The following ABTB3 variants were observed in gnomAD, a reference collection of about 807,000 sequenced individuals.
The protein encoded by ABTB3 is ankyrin repeat and BTB domain containing 3.
the ABTB3 span, among the ~76,000 whole-genome samples, chr12:107,647,418 T>C: frequency 6.6e-6 from 1 of 152,130 alleles, no homozygotes; most frequent in African/African-American, 2.4e-5. Context: ...GGTGGGGGGA[T>C]TGCTTGAGAC....
At chr12:107,494,078 A>G in the ABTB3 span, among the ~76,000 whole-genome samples, 4 of 152,224 alleles carry the variant, frequency 2.6e-5, no homozygotes, top group African/African-American at 9.6e-5. Context: ...TAGGATACTC[A>G]CTTTACAAAA....
At chr12:107,415,839 C>A in the ABTB3 span, among the ~76,000 whole-genome samples, 2 of 152,136 alleles carry the variant, frequency 1.3e-5, no homozygotes, top group Non-Finnish European at 2.9e-5. Flanking sequence ...ACCTATATGA[C>A]CCCGAGTTCA....
chr12:107,480,836 C>A, the ABTB3 span, among the ~76,000 whole-genome samples: 155 of 152,230 alleles, frequency 1.0e-3, no homozygotes, highest in Middle Eastern at 3.4e-3. Context: ...GGGTCACACC[C>A]AAAGGTGAAG....
the ABTB3 span, among the ~76,000 whole-genome samples, chr12:107,589,711 T>C: frequency 1.3e-5 from 2 of 152,160 alleles, no homozygotes; most frequent in Non-Finnish European, 2.9e-5. Context: ...AGAAGAAAGG[T>C]TCACAGCCCG....
chr12:107,433,021 C>T, the ABTB3 span, among the ~76,000 whole-genome samples: 1 of 151,226 alleles, frequency 6.6e-6, no homozygotes, highest in African/African-American at 2.4e-5. Context: ...CGCGGTGGCT[C>T]ACGCCTGTAA....
chr12:107,448,444 C>A, the ABTB3 span, among the ~76,000 whole-genome samples: 156 of 152,230 alleles, frequency 1.0e-3, no homozygotes, highest in African/African-American at 3.7e-3. Flanking sequence ...TGACTCCAGC[C>A]ACTGAAAATG....
chr12:107,356,431 G>T, the ABTB3 span, among the ~76,000 whole-genome samples: 1 of 152,188 alleles, frequency 6.6e-6, no homozygotes, highest in African/African-American at 2.4e-5. Flanking sequence ...CTGGGGCCCA[G>T]CACCGCAGGA....
the ABTB3 span, among the ~76,000 whole-genome samples, chr12:107,380,695 A>G: frequency 6.6e-6 from 1 of 152,018 alleles, no homozygotes; most frequent in African/African-American, 2.4e-5. Context: ...CTTTGTCTGC[A>G]TTTTTCTTTT....
chr12:107,615,170 C>A, the ABTB3 span: 4 of 1,602,570 alleles, frequency 2.5e-6, no homozygotes, highest in Admixed American at 6.7e-5. Context: ...CAGGTATTAA[C>A]GTATTTCCCT....
At chr12:107,387,972 C>CTTTTT in the ABTB3 span, among the ~76,000 whole-genome samples, 130 of 120,156 alleles carry the variant, frequency 1.1e-3, no homozygotes, top group Non-Finnish European at 1.3e-3. Context: ...TCTTCTTCTT[C>CTTTTT]TTTTTTTTTT....
At chr12:107,429,419 C>T in the ABTB3 span, among the ~76,000 whole-genome samples, 1 of 152,236 alleles carries the variant, frequency 6.6e-6, no homozygotes, top group African/African-American at 2.4e-5. Flanking sequence ...CATTTTCTTT[C>T]CTGCTCAGCT....
At chr12:107,383,867 C>T in the ABTB3 span, among the ~76,000 whole-genome samples, 1 of 152,162 alleles carries the variant, frequency 6.6e-6, no homozygotes, top group Non-Finnish European at 1.5e-5. Flanking sequence ...TTCAGATAAT[C>T]ACAGGGTCTT....
At chr12:107,646,838 T>C in the ABTB3 span, among the ~76,000 whole-genome samples, 3 of 152,048 alleles carry the variant, frequency 2.0e-5, no homozygotes, top group African/African-American at 7.2e-5. Context: ...TGATGTGACC[T>C]GTGGTGGGGT....
the ABTB3 span, among the ~76,000 whole-genome samples, chr12:107,563,326 T>C: frequency 6.6e-6 from 1 of 152,162 alleles, no homozygotes; most frequent in Non-Finnish European, 1.5e-5. Context: ...ATTCATTCAC[T>C]CAAAGAAAGG....
the ABTB3 span, among the ~76,000 whole-genome samples, chr12:107,404,938 T>C: frequency 6.6e-6 from 1 of 152,250 alleles, no homozygotes; most frequent in African/African-American, 2.4e-5. Flanking sequence ...TTGTCCATTT[T>C]GCAGATGAAC....
chr12:107,532,835 A>G, the ABTB3 span, among the ~76,000 whole-genome samples: 1 of 152,152 alleles, frequency 6.6e-6, no homozygotes, highest in Non-Finnish European at 1.5e-5. Flanking sequence ...CTCAGCAGAA[A>G]CCTTATAGGC....
At chr12:107,609,464 C>G in the ABTB3 span, among the ~76,000 whole-genome samples, 1 of 152,220 alleles carries the variant, frequency 6.6e-6, no homozygotes, top group Non-Finnish European at 1.5e-5. Flanking sequence ...AATTCCCATG[C>G]ACCTTGCCAT....
the ABTB3 span, among the ~76,000 whole-genome samples, chr12:107,378,765 G>A: frequency 0.12 from 18,978 of 152,182 alleles, 1,518 homozygotes; most frequent in East Asian, 0.4. Flanking sequence ...CTGTCTTTGG[G>A]ACTAAGAATG....
the ABTB3 span, among the ~76,000 whole-genome samples, chr12:107,493,082 GAAA>G: frequency 7.1e-5 from 10 of 140,144 alleles, no homozygotes; most frequent in African/African-American, 2.6e-4. Flanking sequence ...ACAGAGAAAA[GAAA>G]AAAAAAAAAA....
Sources: allele counts gnomAD v4.1 joint callset (sites outside exome capture counted in the v4.1 genomes callset), GRCh38; gene constraint gnomAD v4.1.1; transcripts MANE v1.5; gene names NCBI Gene and HGNC (gene_info 2026-07-23, HGNC 2026-07-21).